Variants in FHOD3 observed in about 807,000 individuals in gnomAD.
The protein encoded by FHOD3 is formin homology 2 domain containing 3, also known as FH1/FH2 domain-containing protein 3.
Under a neutral mutation model 173.0 loss-of-function variants are expected in FHOD3, and 90 were observed. The ratio of observed to expected loss-of-function variants is 0.52; its 90% confidence interval spans 0.44 to 0.62. The LOEUF (loss-of-function observed/expected upper bound fraction) is 0.62, where lower values mean the gene tolerates loss of function less well. FHOD3 is among the 20% of genes least tolerant of loss of function. FHOD3 has a pLI of 0.00. For missense variants in FHOD3, 1,945 were observed against 2,034.7 expected, an observed-to-expected ratio of 0.96 and a Z score of 0.85; for synonymous variants, 828 against 823.0, an observed-to-expected ratio of 1.01 and a Z score of -0.10.
At chr18:36,774,628 G>T (rs926877132) in intron 28 of FHOD3, among the ~76,000 whole-genome samples, 5 of 152,156 alleles carry the variant, frequency 3.3e-5, no homozygotes, top group Non-Finnish European at 7.4e-5. Flanking sequence ...TCTGCTTTTT[G>T]TTGTTGTTCT....
chr18:36,387,023 A>G (rs2048067930), intron 3 of FHOD3, among the ~76,000 whole-genome samples: 1 of 152,160 alleles, frequency 6.6e-6, no homozygotes, highest in Admixed American at 6.5e-5. Flanking sequence ...TTCCTTTGGA[A>G]TATCTATTTT....
At chr18:36,621,847 A>C (rs942317940) in intron 9 of FHOD3, among the ~76,000 whole-genome samples, 5 of 152,238 alleles carry the variant, frequency 3.3e-5, no homozygotes, top group African/African-American at 1.2e-4. Context: ...GATATTCATC[A>C]AAAAGAATTG....
intron 27 of FHOD3, among the ~76,000 whole-genome samples, chr18:36,766,050 T>G (rs2043125897): frequency 6.6e-6 from 1 of 151,810 alleles, no homozygotes; most frequent in African/African-American, 2.4e-5. Context: ...AATAAATAAA[T>G]AAATAAAGAT....
intron 3 of FHOD3, among the ~76,000 whole-genome samples, chr18:36,405,568 T>A (rs2049015027): frequency 6.6e-6 from 1 of 152,174 alleles, no homozygotes; most frequent in African/African-American, 2.4e-5. Context: ...CAAGGTAGGA[T>A]TTCTTGAATA....
At chr18:36,672,534 G>T (rs927888739) in intron 14 of FHOD3, among the ~76,000 whole-genome samples, 1 of 152,208 alleles carries the variant, frequency 6.6e-6, no homozygotes, top group Admixed American at 6.5e-5. Flanking sequence ...AATGGCAGTG[G>T]TGTAGGGTTC....
At chr18:36,598,641 C>T (rs1456911582) in intron 7 of FHOD3, among the ~76,000 whole-genome samples, 1 of 152,078 alleles carries the variant, frequency 6.6e-6, no homozygotes, top group Non-Finnish European at 1.5e-5. Context: ...CAAGCTCCAC[C>T]TCTGCGTTAC....
At chr18:36,384,842 C>G (rs77468599) in intron 3 of FHOD3, among the ~76,000 whole-genome samples, 1 of 152,174 alleles carries the variant, frequency 6.6e-6, no homozygotes, top group African/African-American at 2.4e-5. Flanking sequence ...TGCAAATGGT[C>G]AAGGAGATAG....
chr18:36,650,043 C>T (rs1016719863), intron 11 of FHOD3, among the ~76,000 whole-genome samples: 1 of 152,144 alleles, frequency 6.6e-6, no homozygotes, highest in Non-Finnish European at 1.5e-5. Context: ...ACATGGGCAC[C>T]TTGCAGATAT....
intron 4 of FHOD3, among the ~76,000 whole-genome samples, chr18:36,509,739 T>C (rs1438872092): frequency 6.6e-6 from 1 of 152,228 alleles, no homozygotes; most frequent in Non-Finnish European, 1.5e-5. Flanking sequence ...TAAAGTTCTC[T>C]GATTTGAAAA....
intron 13 of FHOD3, among the ~76,000 whole-genome samples, chr18:36,656,915 GGAAA>G (rs894389719): frequency 6.6e-6 from 1 of 151,884 alleles, no homozygotes; most frequent in African/African-American, 2.4e-5. Flanking sequence ...GGAGCTTTCT[GGAAA>G]GAAAAAGAAA....
chr18:36,332,873 C>T (rs987675884), intron 1 of FHOD3, among the ~76,000 whole-genome samples: 1 of 152,228 alleles, frequency 6.6e-6, no homozygotes, highest in East Asian at 1.9e-4. Flanking sequence ...TCTTCCCAAT[C>T]CCTTACCCCC....
At position 36,639,105 on chromosome 18, in the gene FHOD3, CCT is replaced by C. The variant is rs545383532; in HGVS notation, c.1197-10208_1197-10207del. ...AGACCCTGAGCAGGGCTGTTTTTTG[CCT>C]CTGAAGGCTGCCTTCCTGAAATCTC... is the stretch of plus-strand genomic sequence containing the variant. On this transcript the variant is annotated intron_variant, in intron 10 of 28. Coordinates refer to ENST00000590592, the MANE Select transcript of FHOD3 (RefSeq NM_001281740.3). Among the ~76,000 whole-genome samples, 81 of 152,224 alleles carry C rather than the reference CCT, an allele frequency of 5.3e-4. 1 individual carries two copies. The East Asian group carries it at 0.015, about 29-fold the overall frequency.
At chr18:36,354,179 TG>T (rs1267062463) in intron 1 of FHOD3, among the ~76,000 whole-genome samples, 1 of 152,204 alleles carries the variant, frequency 6.6e-6, no homozygotes, top group East Asian at 1.9e-4. Context: ...AGCTGCATTT[TG>T]CACCGTGACA....
At chr18:36,689,577 G>T (rs1306632571) in intron 16 of FHOD3, among the ~76,000 whole-genome samples, 1 of 152,296 alleles carries the variant, frequency 6.6e-6, no homozygotes, top group East Asian at 1.9e-4. Context: ...ATCCTTTTAA[G>T]TATTAGAAGA....
In FHOD3 at chr18:36,730,618, TCTTGGATTCTC is replaced by T. The variant is rs1382428272; in HGVS notation, c.3418-24_3418-14del. The T allele has an allele frequency of 6.2e-7, 1 of 1,606,032 alleles. No individual in the cohort carries two copies. Among genetic ancestry groups the T allele is most frequent in the South Asian group, 1.1e-5 (1 of 89,340 alleles). Reference sequence around the variant, plus strand: ...GAAAGGACCCAAGATGATGCATTAATCTTGGATTCTCCTTTTTTATCACTAAGAAAACTGCT... The same window carrying T: ...GAAAGGACCCAAGATGATGCATTAATCTTTTTTATCACTAAGAAAACTGCT... On this transcript the variant is annotated splice_polypyrimidine_tract_variant and intron_variant, in intron 19 of 28. Transcript: ENST00000590592.
At chr18:36,486,534 A>T (rs946896073) in intron 3 of FHOD3, among the ~76,000 whole-genome samples, 1 of 152,176 alleles carries the variant, frequency 6.6e-6, no homozygotes, top group African/African-American at 2.4e-5. Flanking sequence ...AGCCCAAAGG[A>T]TGTTTTATAG....
chr18:36,390,098 G>T (rs1043578474), intron 3 of FHOD3, among the ~76,000 whole-genome samples: 6 of 152,190 alleles, frequency 3.9e-5, no homozygotes, highest in Non-Finnish European at 5.9e-5. Context: ...CCCACAGAGA[G>T]ATCCTCCCTA....
At chr18:36,416,415 G>A (rs369431178) in intron 3 of FHOD3, among the ~76,000 whole-genome samples, 7 of 152,186 alleles carry the variant, frequency 4.6e-5, no homozygotes, top group South Asian at 2.1e-4. Flanking sequence ...TGATGAGTCC[G>A]TAAGGTCTGT....
intron 5 of FHOD3, among the ~76,000 whole-genome samples, chr18:36,519,185 A>G (rs1164664612): frequency 6.6e-6 from 1 of 152,144 alleles, no homozygotes; most frequent in African/African-American, 2.4e-5. Flanking sequence ...TCCAGCCTGT[A>G]CGGGTGCAGA....
Sources: allele counts gnomAD v4.1 joint callset (sites outside exome capture counted in the v4.1 genomes callset), GRCh38; gene constraint gnomAD v4.1.1; transcripts MANE v1.5; gene names NCBI Gene and HGNC (gene_info 2026-07-23, HGNC 2026-07-21).